POM121C: variants seen among roughly 807,000 people sequenced by gnomAD.
POM121C encodes the protein nuclear envelope pore membrane protein POM 121C.
POM121C carries 20 observed loss-of-function variants against 66.4 expected under a neutral mutation model. That is an observed-to-expected ratio of 0.30 (90% CI 0.21 to 0.44). The LOEUF is 0.44. Among genes scored for constraint, POM121C ranks in the 20% least tolerant of loss-of-function variants. The pLI is 1.00. For missense variants in POM121C, 580 were observed against 1,225.7 expected (o/e 0.47, Z 7.87); for synonymous variants, 286 against 528.0 (o/e 0.54, Z 6.28).
intron 3 of POM121C, among the ~76,000 whole-genome samples, chr7:75,451,996 T>G (rs1554475609): frequency 6.8e-6 from 1 of 146,498 alleles, no homozygotes; most frequent in Admixed American, 6.8e-5. Context: ...ACTGAATTAC[T>G]CTACTAAAAA....
chr7:75,467,584 T>C (rs1381120504), intron 3 of POM121C, among the ~76,000 whole-genome samples: 1 of 150,388 alleles, frequency 6.6e-6, no homozygotes, highest in African/African-American at 2.4e-5. Flanking sequence ...GAATAAATCC[T>C]GTGATGGTGA....
intron 1 of POM121C, among the ~76,000 whole-genome samples, chr7:75,484,777 CAAAT>C (rs782613496): frequency 2.0e-5 from 3 of 151,476 alleles, no homozygotes; most frequent in Non-Finnish European, 4.4e-5. Context: ...ACTCCTTTTA[CAAAT>C]AGTCTGCCAT....
intron 7 of POM121C, among the ~76,000 whole-genome samples, chr7:75,428,755 G>A (rs1183704674): frequency 1.3e-5 from 2 of 152,210 alleles, no homozygotes; most frequent in Non-Finnish European, 2.9e-5. Context: ...TGAGGCAGGA[G>A]GATCACCTGA....
At chr7:75,467,164 T>TA (rs1255077854) in intron 3 of POM121C, among the ~76,000 whole-genome samples, 2 of 152,212 alleles carry the variant, frequency 1.3e-5, no homozygotes, top group African/African-American at 2.4e-5. Flanking sequence ...AAATGCAGTG[T>TA]CCCATATTAC....
intron 3 of POM121C, among the ~76,000 whole-genome samples, chr7:75,465,505 A>T (rs1439899055): frequency 1.3e-5 from 2 of 151,582 alleles, no homozygotes; most frequent in African/African-American, 4.8e-5. Context: ...CTGTAATCCC[A>T]GCACTTTGGG....
At chr7:75,468,313 CTTT>C in intron 3 of POM121C, among the ~76,000 whole-genome samples, 1 of 89,758 alleles carries the variant, frequency 1.1e-5, no homozygotes, top group African/African-American at 5.0e-5. Flanking sequence ...AAGACTCCAG[CTTT>C]TTTTTTTTTT....
intron 3 of POM121C, among the ~76,000 whole-genome samples, chr7:75,465,577 A>AC (rs1413230407): frequency 2.0e-5 from 3 of 149,094 alleles, no homozygotes; most frequent in Non-Finnish European, 4.5e-5. Context: ...AGATGGTGAA[A>AC]CCCCGTCTCT....
rs587628153 is a variant in POM121C at position 75,456,416 on chromosome 7, C to T, written c.-151-14769G>A. Among the ~76,000 whole-genome samples, 4 of 152,366 alleles carry T rather than the reference C, an allele frequency of 2.6e-5. No individual in the cohort carries two copies. The East Asian group carries it at 7.7e-4, about 29-fold the overall frequency. ...TGCCACAGGCTCTCCTACATGCTTG[C>T]CACACATTCGTCTATTTCATCCTCC... On this transcript the variant is annotated intron_variant, in intron 3 of 14. Coordinates refer to ENST00000615331, the MANE Select transcript of POM121C (RefSeq NM_001099415.3).
chr7:75,439,284 T>A, intron 5 of POM121C, 60 bp from the exon 6 acceptor site: 1 of 1,602,626 alleles, frequency 6.2e-7, no homozygotes, highest in Non-Finnish European at 8.6e-7. Flanking sequence ...CCCTTTAAAG[T>A]GTATTCTCAC....
In POM121C at chr7:75,446,490, AT is replaced by A. The variant is rs587692114; in HGVS notation, c.-151-4844del. Reference sequence around the variant, plus strand: ...ATGAGCCACTGTGCCCAGCCTCTTTATTTTTTTGTAGAGATGGGGGTCGCCA... The same window carrying A: ...ATGAGCCACTGTGCCCAGCCTCTTTATTTTTTGTAGAGATGGGGGTCGCCA... On this transcript the variant is annotated intron_variant, in intron 3 of 14. Coordinates refer to ENST00000615331, the MANE Select transcript of POM121C (RefSeq NM_001099415.3). 5.3e-3 allele frequency among the ~76,000 whole-genome samples: 773 copies of A among 146,114 alleles called. 7 individuals carry two copies. Among genetic ancestry groups the A allele is most frequent in the African/African-American group, 0.018 (718 of 39,442 alleles).
chr7:75,442,202 T>C (rs1790677925), intron 3 of POM121C: 1 of 1,305,118 alleles, frequency 7.7e-7, no homozygotes, highest in African/African-American at 1.8e-5. Flanking sequence ...GGGGTAAAAG[T>C]GGTGAACGCG....
intron 3 of POM121C, among the ~76,000 whole-genome samples, chr7:75,447,909 A>T (rs772684301): frequency 9.9e-5 from 15 of 151,948 alleles, no homozygotes; most frequent in Non-Finnish European, 1.8e-4. Flanking sequence ...CTGTAGTCCC[A>T]GCTGCTCGGG....
intron 7 of POM121C, among the ~76,000 whole-genome samples, chr7:75,436,239 T>G (rs1790402943): frequency 6.6e-6 from 1 of 152,170 alleles, no homozygotes; most frequent in South Asian, 2.1e-4. Flanking sequence ...ATCTTATCTC[T>G]CCTAAAACTT....
In POM121C at chr7:75,421,552, G is replaced by T; in HGVS notation, c.2700C>A (p.Ala900=). 1 of 1,612,068 alleles carries T rather than the reference G, an allele frequency of 6.2e-7. No homozygotes were observed. Among genetic ancestry groups the T allele is most frequent in the Non-Finnish European group, 8.5e-7 (1 of 1,179,748 alleles). The change falls in exon 13 of 15, where the codon GCC becomes GCA. Residue 900 remains alanine, a synonymous_variant. Transcript: ENST00000615331. ...TCTCAGTTGTGCTGCCCACGTTGAAGGCAAACGGTGTGCTCTGGCCGGTGG... is the reference window on the plus strand; with the variant it reads ...TCTCAGTTGTGCTGCCCACGTTGAATGCAAACGGTGTGCTCTGGCCGGTGG... ...LGTTGQSTPF[A]FNVGSTTESK... is the part of the protein sequence containing the mutation.
chr7:75,433,899 T>G (rs879956995), intron 7 of POM121C, among the ~76,000 whole-genome samples: 19 of 152,252 alleles, frequency 1.2e-4, no homozygotes, highest in Non-Finnish European at 2.4e-4. Context: ...ATTAAATCCT[T>G]GTATCCATTT....
chr7:75,424,982 A>T, intron 10 of POM121C, 92 bp downstream of exon 10: 2 of 1,543,024 alleles, frequency 1.3e-6, no homozygotes, highest in Non-Finnish European at 1.7e-6. Flanking sequence ...AAAATAAGTT[A>T]GAAAAAAAAA....
chr7:75,454,938 C>T (rs1791151659), intron 3 of POM121C, among the ~76,000 whole-genome samples: 1 of 152,182 alleles, frequency 6.6e-6, no homozygotes, highest in Admixed American at 6.6e-5. Context: ...CCATTTTATA[C>T]CTTGGATTGA....
intron 7 of POM121C, among the ~76,000 whole-genome samples, chr7:75,433,149 C>T (rs1319932756): frequency 4.2e-5 from 6 of 141,608 alleles, no homozygotes; most frequent in Middle Eastern, 3.9e-3. Flanking sequence ...GCAAGAGAAT[C>T]GCTTGAACCC....
chr7:75,418,665 C>A lies in POM121C; in HGVS notation c.*131G>T. The A allele has an allele frequency of 2.2e-6, 3 of 1,378,604 alleles. No homozygotes were observed. Among genetic ancestry groups the A allele is most frequent in the East Asian group, 2.8e-5 (1 of 36,162 alleles). 85.4% of individuals were successfully genotyped at this position (1,378,604 alleles called of 1,614,324 possible). A position where few individuals can be genotyped will look rare whatever the true frequency, so the allele number is the denominator to read the frequency against. ...AAGGGCCCCAGGGCTGCCACTGCCC[C>A]CTGGCGGCTGAAGCCAGAGATCCGG... On this transcript the variant is annotated 3_prime_UTR_variant, in exon 15 of 15. Coordinates refer to ENST00000615331, the MANE Select transcript of POM121C (RefSeq NM_001099415.3).
Sources: allele counts gnomAD v4.1 joint callset (sites outside exome capture counted in the v4.1 genomes callset), GRCh38; gene constraint gnomAD v4.1.1; transcripts MANE v1.5; gene names NCBI Gene and HGNC (gene_info 2026-07-23, HGNC 2026-07-21).